The following TTBK1 variants were observed in gnomAD, a reference collection of about 807,000 sequenced individuals.
The protein encoded by TTBK1 is tau tubulin kinase 1.
In TTBK1, 34 loss-of-function variants were observed where a neutral mutation model predicts 108.5. The observed-to-expected ratio is 0.31, with a 90% CI of 0.24 to 0.42. TTBK1 has a LOEUF of 0.42. TTBK1 is among the 10% of genes least tolerant of loss of function. TTBK1 has a pLI of 1.00. For synonymous variants in TTBK1, 809 were observed against 795.1 expected (o/e 1.02, Z -0.29); for missense variants, 1,539 against 1,826.0 (o/e 0.84, Z 2.86).
rs777828526 is a variant in TTBK1 at position 43,259,219 on chromosome 6, T to C, written c.1198T>C (p.Trp400Arg). Reference sequence around the variant, plus strand: ...CCCCGGGGGTCCTGAGGCTGAAGTCTGGGAGGAGACAGATGTCAACCGGAA... The same window carrying C: ...CCCCGGGGGTCCTGAGGCTGAAGTCCGGGAGGAGACAGATGTCAACCGGAA... ...PHPGGPEAEV[W>R]EETDVNRNKL... Residue 400 changes from tryptophan (W) to arginine (R), a missense_variant, in exon 11 of 15, where the codon TGG becomes CGG. Trp to Arg is a moderately radical substitution (Grantham distance 101). Around this residue, in one of 5 missense-constraint regions of TTBK1, gnomAD observed 277 missense variants for 332.4 expected, o/e 0.83. Transcript: ENST00000259750. This position sits in a 1 kb window ranked among gnomAD's most constrained non-coding sequence, Gnocchi z 6.7. The C allele has an allele frequency of 6.3e-7, 1 of 1,591,860 alleles. No individual in the cohort carries two copies. The highest frequency in any genetic ancestry group is 1.8e-5 in the Admixed American group (1 of 54,954).
At position 43,253,419 on chromosome 6, in the gene TTBK1, C is replaced by G. The variant is rs1777300765; in HGVS notation, c.330+55C>G. On this transcript the variant is annotated intron_variant, in intron 4 of 14. Coordinates refer to ENST00000259750, the MANE Select transcript of TTBK1 (RefSeq NM_032538.3). The surrounding 1 kb of genome is among the most constrained non-coding windows in gnomAD (Gnocchi z 5.8). Reference sequence around the variant, plus strand: ...CTCTCTAAGAGCTTGGGCTGTGACTCCAGGGTAGGGGAAGGGAAGGTAGAC... The same window carrying G: ...CTCTCTAAGAGCTTGGGCTGTGACTGCAGGGTAGGGGAAGGGAAGGTAGAC... The G allele has an allele frequency of 2.5e-6, 4 of 1,608,524 alleles. No homozygotes were observed. Among genetic ancestry groups the G allele is most frequent in the Admixed American group, 3.4e-5 (2 of 59,498 alleles).
intron 13 of TTBK1, among the ~76,000 whole-genome samples, chr6:43,275,237 C>G (rs1777938407): frequency 6.6e-6 from 1 of 152,054 alleles, no homozygotes; most frequent in Non-Finnish European, 1.5e-5. Context: ...GCCAGCGCCA[C>G]GAATGTACGG....
At position 43,282,224 on chromosome 6, in the gene TTBK1, G is replaced by A. The variant is rs1778183382; in HGVS notation, c.1987-503G>A. 6.6e-6 allele frequency among the ~76,000 whole-genome samples: 1 copy of A among 152,208 alleles called. No homozygotes were observed. Among genetic ancestry groups the A allele is most frequent in the Admixed American group, 6.5e-5 (1 of 15,290 alleles). ...AAACTGCACACCCTGAGGTGGTACT[G>A]AGGGCATCTAGGAGCCAGCCCGGCA... On this transcript the variant is annotated intron_variant, in intron 13 of 14. Transcript: ENST00000259750. This position sits in a 1 kb window ranked among gnomAD's most constrained non-coding sequence, Gnocchi z 5.4.
intron 13 of TTBK1, among the ~76,000 whole-genome samples, chr6:43,266,856 T>C (rs545160384): frequency 6.6e-6 from 1 of 152,156 alleles, no homozygotes; most frequent in African/African-American, 2.4e-5. Context: ...CCTCAGGTGA[T>C]CTGCCTGCCT....
At position 43,245,955 on chromosome 6, in the gene TTBK1, T is replaced by G. The variant is rs143297237; in HGVS notation, c.-54-652T>G. 4.1e-3 allele frequency among the ~76,000 whole-genome samples: 628 copies of G among 152,236 alleles called. 6 individuals are homozygous for G. Among genetic ancestry groups the G allele is most frequent in the African/African-American group, 0.014 (594 of 41,518 alleles). ...GAGTCCATCACCTGTGTTCACCCCA[T>G]CTCTTATATCCTGACCTCCCAACCC... On this transcript the variant is annotated intron_variant, in intron 1 of 14. Transcript: ENST00000259750.
chr6:43,274,319 C>G (rs1777908084), intron 13 of TTBK1, among the ~76,000 whole-genome samples: 1 of 152,192 alleles, frequency 6.6e-6, no homozygotes, highest in Non-Finnish European at 1.5e-5. Context: ...CTGAGCCATG[C>G]TGGTCCCAGG....
chr6:43,270,080 G>GC (rs1777787070), intron 13 of TTBK1: 7 of 1,408,564 alleles, frequency 5.0e-6, no homozygotes, highest in South Asian at 3.1e-5. Flanking sequence ...ATGCAATACA[G>GC]CCCCCCTAGA....
rs1039869129 is a variant in TTBK1, at chr6:43,282,333, G to A, written c.1987-394G>A. Among the ~76,000 whole-genome samples, 2 of 152,224 alleles carry A rather than the reference G, an allele frequency of 1.3e-5. No individual in the cohort carries two copies. Among genetic ancestry groups the A allele is most frequent in the Non-Finnish European group, 2.9e-5 (2 of 68,040 alleles). ...TCTGTAAAAGGAAGGGCTGATCTGC[G>A]TGGTGGTCGTGGTTCCTTCCAGTTT... On this transcript the variant is annotated intron_variant, in intron 13 of 14. Coordinates refer to ENST00000259750, the MANE Select transcript of TTBK1 (RefSeq NM_032538.3). The surrounding 1 kb of genome is among the most constrained non-coding windows in gnomAD (Gnocchi z 5.4).
At chr6:43,280,698 G>A (rs1273638938) in intron 13 of TTBK1, among the ~76,000 whole-genome samples, 1 of 152,184 alleles carries the variant, frequency 6.6e-6, no homozygotes, top group Non-Finnish European at 1.5e-5. Flanking sequence ...AGGACAATAG[G>A]TGGGAGATTC....
At chr6:43,246,578 GC>G (rs1562079755) in intron 1 of TTBK1, 28 bp from the exon 2 acceptor site, 3 of 1,085,538 alleles carry the variant, frequency 2.8e-6, no homozygotes, top group Non-Finnish European at 2.6e-6. Flanking sequence ...TCCGCAGCCC[GC>G]CCTCACAGGC....
rs772622031 is a variant in TTBK1 at position 43,265,597 on chromosome 6, G to C, written c.1986+2247G>C. On this transcript the variant is annotated intron_variant, in intron 13 of 14. Transcript: ENST00000259750. This position sits in a 1 kb window ranked among gnomAD's most constrained non-coding sequence, Gnocchi z 4.1. Reference sequence around the variant, plus strand: ...ACACCCAGCACCAGGCAGCAGGAGAGGGAGCAAAATGTGTTTGGGGTCCTT... The same window carrying C: ...ACACCCAGCACCAGGCAGCAGGAGACGGAGCAAAATGTGTTTGGGGTCCTT... Among the ~76,000 whole-genome samples the C allele has an allele frequency of 6.6e-6, 1 of 152,226 alleles. No individual in the cohort carries two copies. Among genetic ancestry groups the C allele is most frequent in the African/African-American group, 2.4e-5 (1 of 41,452 alleles).
chr6:43,276,622 C>T lies in TTBK1; in HGVS notation c.1987-6105C>T, dbSNP rs1273323450. On this transcript the variant is annotated intron_variant, in intron 13 of 14. Coordinates refer to ENST00000259750, the MANE Select transcript of TTBK1 (RefSeq NM_032538.3). The surrounding 1 kb of genome is among the most constrained non-coding windows in gnomAD (Gnocchi z 5.4). ...ATGTTAATGCAGACAATCCGGAGAG[C>T]TTGTGTACTACCAAATCCTGATTAA... 2.0e-5 allele frequency among the ~76,000 whole-genome samples: 3 copies of T among 152,254 alleles called. No individual in the cohort carries two copies. The highest frequency in any genetic ancestry group is 4.4e-5 in the Non-Finnish European group (3 of 68,042).
chr6:43,249,895 G>T (rs1284851287), intron 2 of TTBK1, among the ~76,000 whole-genome samples: 1 of 152,006 alleles, frequency 6.6e-6, no homozygotes, highest in Non-Finnish European at 1.5e-5. Context: ...GATTTTAAAA[G>T]AAATTAAAAC....
At chr6:43,245,782 C>T (rs1297349085) in intron 1 of TTBK1, among the ~76,000 whole-genome samples, 1 of 152,178 alleles carries the variant, frequency 6.6e-6, no homozygotes. Flanking sequence ...GAGGCTTTCT[C>T]ACCCCATGCC....
rs953781829 is a variant in TTBK1, at chr6:43,285,398, G to T, written c.*22G>T. The T allele has an allele frequency of 2.4e-6, 3 of 1,266,416 alleles. No homozygotes were observed. In the East Asian group the frequency reaches 9.4e-5, roughly 40 times the overall value. The allele number at this position is 1,266,416 out of a possible 1,614,324, so 78.4% of individuals were successfully genotyped here. The stretch of plus-strand genomic sequence containing the variant: ...ATAATGACGCCCGCTGCTCTCCGCG[G>T]TCCCCCACCCTCACCCCGGCCCCCC... On this transcript the variant is annotated 3_prime_UTR_variant, in exon 15 of 15. Coordinates refer to ENST00000259750, the MANE Select transcript of TTBK1 (RefSeq NM_032538.3). The surrounding 1 kb of genome is among the most constrained non-coding windows in gnomAD (Gnocchi z 4.7).
At chr6:43,264,665 A>C (rs1256616513) in intron 13 of TTBK1, among the ~76,000 whole-genome samples, 2 of 152,120 alleles carry the variant, frequency 1.3e-5, no homozygotes, top group Non-Finnish European at 2.9e-5. Context: ...TGGGAGGAGC[A>C]CAGGGGAGAA....
In TTBK1 at chr6:43,285,209, C is replaced by T; in HGVS notation, c.3799C>T (p.Arg1267Trp). 6 of 1,323,306 alleles carry T rather than the reference C, an allele frequency of 4.5e-6. No individual in the cohort carries two copies. The highest frequency in any genetic ancestry group is 5.8e-6 in the Non-Finnish European group (6 of 1,040,870). 82.0% of individuals were successfully genotyped at this position (1,323,306 alleles called of 1,614,324 possible). A position where few individuals can be genotyped will look rare whatever the true frequency, so the allele number is the denominator to read the frequency against. Residue 1267 changes from arginine (R) to tryptophan (W), a missense_variant, in exon 15 of 15, where the codon CGG becomes TGG. Arg to Trp is a moderately radical substitution (Grantham distance 101). Transcript: ENST00000259750. This position sits in a 1 kb window ranked among gnomAD's most constrained non-coding sequence, Gnocchi z 4.7. Reference protein sequence around the residue: ...RESPSPSHQARPGVPPPRGVP... With the variant: ...RESPSPSHQAWPGVPPPRGVP... ...GAGCCCCTCCCCCTCGCACCAGGCC[C>T]GGCCCGGGGTCCCCCCGCCCCGGGG...
intron 13 of TTBK1, among the ~76,000 whole-genome samples, chr6:43,278,879 C>G (rs1314023007): frequency 6.6e-6 from 1 of 152,168 alleles, no homozygotes; most frequent in Non-Finnish European, 1.5e-5. Context: ...AACCGAAAAG[C>G]CAGCATGCCT....
chr6:43,278,045 G>A (rs554633149), intron 13 of TTBK1, among the ~76,000 whole-genome samples: 59 of 152,286 alleles, frequency 3.9e-4, no homozygotes, highest in African/African-American at 1.2e-3. Context: ...CTTTGGGACT[G>A]TGGGCCGGGG....
Sources: gnomAD v4.1 joint callset for allele counts (sites outside exome capture counted in the v4.1 genomes callset) on GRCh38, gnomAD v4.1.1 for gene constraint, gnomAD v4.1.1 regional missense constraint, Gnocchi (gnomAD v3.1) non-coding constraint, MANE v1.5 for transcripts, NCBI Gene and HGNC (gene_info 2026-07-23, HGNC 2026-07-21) for gene names.